The following PLPPR1 variants were observed in gnomAD, a reference collection of about 807,000 sequenced individuals.
PLPPR1 encodes phospholipid phosphatase related 1.
In PLPPR1, 10 loss-of-function variants were observed where a neutral mutation model predicts 33.1. That is an observed-to-expected ratio of 0.30 (90% confidence interval 0.19 to 0.51). The LOEUF is 0.51. PLPPR1 is among the 20% of genes least tolerant of loss of function. The pLI, the probability that PLPPR1 is intolerant of heterozygous loss-of-function variation, is 0.97. For missense variants in PLPPR1, 304 were observed against 408.1 expected, an observed-to-expected ratio of 0.74 and a Z score of 2.20; for synonymous variants, 151 against 151.0, an observed-to-expected ratio of 1.00 and a Z score of 0.00.
intron 2 of PLPPR1, among the ~76,000 whole-genome samples, chr9:101,240,893 C>T (rs541979094): frequency 1.3e-5 from 2 of 152,034 alleles, no homozygotes; most frequent in Non-Finnish European, 2.9e-5. Context: ...TCATTCCCTC[C>T]TTTTATTTGC....
intron 1 of PLPPR1, among the ~76,000 whole-genome samples, chr9:101,033,266 A>C (rs2118399337): frequency 6.6e-6 from 1 of 152,338 alleles, no homozygotes; most frequent in African/African-American, 2.4e-5. Flanking sequence ...CAGAAGGCAA[A>C]TCCAAGATAG....
intron 1 of PLPPR1, among the ~76,000 whole-genome samples, chr9:101,138,726 A>C (rs2118627251): frequency 6.6e-6 from 1 of 152,330 alleles, no homozygotes; most frequent in Non-Finnish European, 1.5e-5. Flanking sequence ...ATGCTCACAA[A>C]GTGCCTGTGA....
At chr9:101,187,038 G>A (rs980759131) in intron 2 of PLPPR1, among the ~76,000 whole-genome samples, 5 of 151,826 alleles carry the variant, frequency 3.3e-5, no homozygotes, top group Admixed American at 3.3e-4. Context: ...GTGGGTTCTG[G>A]TTACGATTCT....
At chr9:101,266,404 A>AG (rs1554686045) in intron 2 of PLPPR1, among the ~76,000 whole-genome samples, 3 of 149,866 alleles carry the variant, frequency 2.0e-5, no homozygotes, top group Non-Finnish European at 4.4e-5. Context: ...TCCAAAAAAA[A>AG]AAAGAAAGAA....
chr9:101,212,709 T>C (rs1013032875), intron 2 of PLPPR1, among the ~76,000 whole-genome samples: 2 of 152,194 alleles, frequency 1.3e-5, no homozygotes, highest in African/African-American at 4.8e-5. Flanking sequence ...GATCATTGTG[T>C]AACTATATAG....
chr9:101,300,706 T>G (rs966783562), intron 4 of PLPPR1, among the ~76,000 whole-genome samples: 2 of 152,320 alleles, frequency 1.3e-5, no homozygotes, highest in Admixed American at 1.3e-4. Flanking sequence ...CAGGCCTCAA[T>G]ATTCCTATAT....
chr9:101,058,582 C>T (rs1830306230), intron 1 of PLPPR1, among the ~76,000 whole-genome samples: 1 of 152,118 alleles, frequency 6.6e-6, no homozygotes, highest in Non-Finnish European at 1.5e-5. Context: ...GAATAGACAT[C>T]TTACTGTTAA....
At chr9:101,179,615 A>T (rs1826068529) in intron 1 of PLPPR1, among the ~76,000 whole-genome samples, 1 of 152,156 alleles carries the variant, frequency 6.6e-6, no homozygotes, top group African/African-American at 2.4e-5. Flanking sequence ...TAGTTGTATT[A>T]CATTAGACAT....
intron 1 of PLPPR1, among the ~76,000 whole-genome samples, chr9:101,148,283 A>G (rs958751505): frequency 6.6e-6 from 1 of 152,116 alleles, no homozygotes; most frequent in African/African-American, 2.4e-5. Flanking sequence ...CTTAAGTGCC[A>G]CTGGTTATCT....
At chr9:101,162,518 T>A (rs1283305053) in intron 1 of PLPPR1, among the ~76,000 whole-genome samples, 1 of 152,222 alleles carries the variant, frequency 6.6e-6, no homozygotes, top group Non-Finnish European at 1.5e-5. Flanking sequence ...AATTTGTGAA[T>A]TTTGTGCCAA....
intron 2 of PLPPR1, among the ~76,000 whole-genome samples, chr9:101,223,091 T>C (rs564753447): frequency 4.2e-5 from 6 of 143,924 alleles, no homozygotes; most frequent in Non-Finnish European, 7.5e-5. Context: ...GGTGGGAAGA[T>C]TGTTTGAAGC....
intron 1 of PLPPR1, among the ~76,000 whole-genome samples, chr9:101,167,797 C>T (rs1825882528): frequency 6.6e-6 from 1 of 152,156 alleles, no homozygotes; most frequent in South Asian, 2.1e-4. Context: ...TAGATTGAAG[C>T]CAGCTCTTGC....
intron 2 of PLPPR1, among the ~76,000 whole-genome samples, chr9:101,191,147 A>T (rs985032342): frequency 6.6e-6 from 1 of 152,170 alleles, no homozygotes; most frequent in Non-Finnish European, 1.5e-5. Flanking sequence ...TCTGGCTGAC[A>T]GGTCATAGCT....
At chr9:101,204,614 C>G (rs1014260123) in intron 2 of PLPPR1, among the ~76,000 whole-genome samples, 1 of 152,126 alleles carries the variant, frequency 6.6e-6, no homozygotes, top group Non-Finnish European at 1.5e-5. Context: ...GTGTGCACTT[C>G]CCTGGAGACC....
At chr9:101,243,289 G>GA (rs888899268) in intron 2 of PLPPR1, among the ~76,000 whole-genome samples, 6 of 151,766 alleles carry the variant, frequency 4.0e-5, no homozygotes, top group Admixed American at 3.9e-4. Flanking sequence ...TAACTTTTTA[G>GA]AAAAAAAATA....
At chr9:101,202,214 T>C (rs565266916) in intron 2 of PLPPR1, among the ~76,000 whole-genome samples, 32 of 152,142 alleles carry the variant, frequency 2.1e-4, no homozygotes, top group Admixed American at 3.9e-4. Context: ...AAGACCTTGG[T>C]TGGTTGTTTA....
At chr9:101,249,781 T>A (rs1166032126) in intron 2 of PLPPR1, among the ~76,000 whole-genome samples, 1 of 152,088 alleles carries the variant, frequency 6.6e-6, no homozygotes, top group Non-Finnish European at 1.5e-5. Flanking sequence ...AGTGGACAAC[T>A]GGTCTTCGCT....
intron 2 of PLPPR1, among the ~76,000 whole-genome samples, chr9:101,198,057 C>T (rs747084683): frequency 1.5e-4 from 23 of 151,314 alleles, no homozygotes; most frequent in Non-Finnish European, 2.9e-4. Flanking sequence ...TACTTGAGTA[C>T]TCTGAATTTC....
At chr9:101,172,247 G>A (rs967208967) in intron 1 of PLPPR1, among the ~76,000 whole-genome samples, 8 of 151,864 alleles carry the variant, frequency 5.3e-5, no homozygotes, top group African/African-American at 1.2e-4. Context: ...GGGAAAAAGC[G>A]TACCACTCAG....
Sources: allele counts gnomAD v4.1 joint callset (sites outside exome capture counted in the v4.1 genomes callset), GRCh38; gene constraint gnomAD v4.1.1; transcripts MANE v1.5; gene names NCBI Gene and HGNC (gene_info 2026-07-23, HGNC 2026-07-21).